The following EEF2K variants were observed in gnomAD, a reference collection of about 807,000 sequenced individuals.
EEF2K encodes the protein eukaryotic elongation factor 2 kinase.
A neutral mutation model predicts 93.8 loss-of-function variants in EEF2K; 70 were observed. The ratio of observed to expected loss-of-function variants is 0.75; its 90% CI spans 0.62 to 0.91. The LOEUF (loss-of-function observed/expected upper bound fraction) is 0.91, where lower values mean the gene tolerates loss of function less well. Ranked by LOEUF, EEF2K falls within the 40% of genes least tolerant of loss-of-function variation. EEF2K has a pLI of 0.00. For missense variants in EEF2K, 935 were observed against 972.9 expected (o/e 0.96, Z 0.52); for synonymous variants, 376 against 380.8 (o/e 0.99, Z 0.15).
At chr16:22,254,396 C>A (rs1187764658) in intron 6 of EEF2K, among the ~76,000 whole-genome samples, 1 of 152,150 alleles carries the variant, frequency 6.6e-6, no homozygotes, top group African/African-American at 2.4e-5. Context: ...GTTCTCACCT[C>A]TCAGATCAGG....
intron 1 of EEF2K, among the ~76,000 whole-genome samples, chr16:22,218,841 G>C (rs1449770489): frequency 1.3e-5 from 2 of 151,746 alleles, no homozygotes; most frequent in African/African-American, 4.8e-5. Flanking sequence ...ATAGGGACTG[G>C]AGGCCGGGCG....
At chr16:22,265,129 G>A (rs1450165930) in intron 13 of EEF2K, 1 of 443,364 alleles carries the variant, frequency 2.3e-6, no homozygotes, top group Non-Finnish European at 4.1e-6. Flanking sequence ...ATCACCACAG[G>A]GACAGCTCCT....
chr16:22,280,479 A>G, intron 17 of EEF2K, 103 bp downstream of exon 17: 1 of 1,242,906 alleles, frequency 8.0e-7, no homozygotes, highest in South Asian at 2.6e-5. Context: ...GACAGGCTGA[A>G]TCTTCTTCCA....
intron 2 of EEF2K, among the ~76,000 whole-genome samples, chr16:22,238,653 AAAAAAG>A (rs1461000800): frequency 2.7e-5 from 4 of 146,472 alleles, no homozygotes; most frequent in African/African-American, 1.1e-4. Flanking sequence ...TGGTCTCAAA[AAAAAAG>A]AAAAAAGGAA....
At chr16:22,208,391 C>A (rs2142096579) in intron 1 of EEF2K, among the ~76,000 whole-genome samples, 1 of 152,168 alleles carries the variant, frequency 6.6e-6, no homozygotes, top group South Asian at 2.1e-4. Context: ...GGCATGTTGG[C>A]ATGAGCCTGT....
intron 10 of EEF2K, 122 bp from the exon 11 acceptor site, chr16:22,260,340 C>A (rs1265491592): frequency 1.1e-6 from 1 of 927,024 alleles, no homozygotes. Flanking sequence ...TTGTGCCTTT[C>A]TTTAAAGCTT....
intron 4 of EEF2K, among the ~76,000 whole-genome samples, chr16:22,249,228 C>T (rs2047325191): frequency 6.6e-6 from 1 of 151,230 alleles, no homozygotes; most frequent in Admixed American, 6.6e-5. Flanking sequence ...GCCTTGGCCG[C>T]CCAGAGTGCT....
intron 16 of EEF2K, among the ~76,000 whole-genome samples, chr16:22,276,665 T>C (rs1288326009): frequency 6.6e-6 from 1 of 152,184 alleles, no homozygotes; most frequent in Non-Finnish European, 1.5e-5. Flanking sequence ...CGATTAGGCC[T>C]TTCCCATATG....
intron 1 of EEF2K, among the ~76,000 whole-genome samples, chr16:22,208,715 C>T (rs1364299508): frequency 2.0e-5 from 3 of 150,196 alleles, no homozygotes; most frequent in South Asian, 2.1e-4. Flanking sequence ...GCCTGGCTGA[C>T]GGGGTGAAAC....
chr16:22,252,558 T>C (rs1017102423), intron 6 of EEF2K, among the ~76,000 whole-genome samples: 1 of 152,168 alleles, frequency 6.6e-6, no homozygotes, highest in African/African-American at 2.4e-5. Flanking sequence ...ACCCTAGCCA[T>C]GTGCCTGCCC....
At chr16:22,273,529 C>CAA in intron 15 of EEF2K, 97 bp from the exon 16 acceptor site, 1 of 1,537,170 alleles carries the variant, frequency 6.5e-7, no homozygotes, top group Non-Finnish European at 8.8e-7. Flanking sequence ...CCGGAGCTCT[C>CAA]AAAAAACAGG....
rs1304131315 is a variant in EEF2K at position 22,263,167 on chromosome 16, G to A, written c.1357G>A (p.Asp453Asn). 6.2e-7 allele frequency: 1 copy of A among 1,612,624 alleles called. No homozygotes were observed. Among genetic ancestry groups the A allele is most frequent in the Non-Finnish European group, 8.5e-7 (1 of 1,179,278 alleles). Residue 453 changes from aspartate (D) to asparagine (N), a missense_variant, in exon 12 of 18, where the codon GAC (aspartate) becomes AAC (asparagine). Transcript: ENST00000263026. The part of the protein sequence containing the change: ...YPSEKRGELD[D>N]PEPREHGHSY... ...CAGTGAGAAGCGGGGTGAGCTGGATGACCCTGAGCCCCGAGAACATGTAAG... is the reference window on the plus strand; with the variant it reads ...CAGTGAGAAGCGGGGTGAGCTGGATAACCCTGAGCCCCGAGAACATGTAAG...
chr16:22,261,045 A>G (rs1417744216), intron 11 of EEF2K, among the ~76,000 whole-genome samples: 1 of 152,004 alleles, frequency 6.6e-6, no homozygotes, highest in Non-Finnish European at 1.5e-5. Flanking sequence ...AAATTATAAT[A>G]CTCTCTATGC....
At chr16:22,267,846 G>A (rs982099369) in intron 15 of EEF2K, among the ~76,000 whole-genome samples, 1 of 152,190 alleles carries the variant, frequency 6.6e-6, no homozygotes, top group East Asian at 1.9e-4. Context: ...TCCCTGGTCC[G>A]TGAGCAGAGG....
At chr16:22,216,320 G>C (rs1022885820) in intron 1 of EEF2K, among the ~76,000 whole-genome samples, 9 of 152,212 alleles carry the variant, frequency 5.9e-5, no homozygotes, top group African/African-American at 1.9e-4. Flanking sequence ...TCTGGACCTA[G>C]CAGCTCCTGT....
At chr16:22,273,548 T>G in intron 15 of EEF2K, 78 bp from the exon 16 acceptor site, 1 of 1,565,478 alleles carries the variant, frequency 6.4e-7, no homozygotes, top group Non-Finnish European at 8.7e-7. Flanking sequence ...GGGTGAAGAT[T>G]GAGTAGTGAG....
rs372618230 is a variant in EEF2K at position 22,241,719 on chromosome 16, T to C, written c.247-2911T>C. On this transcript the variant is annotated intron_variant, in intron 2 of 17. Coordinates refer to ENST00000263026, the MANE Select transcript of EEF2K (RefSeq NM_013302.5). ...CGGCATTGCTCCAGTGGATGGTATA[T>C]GGTGGATTTGACTTTTGTCTTCTGT... 7.9e-5 allele frequency among the ~76,000 whole-genome samples: 12 copies of C among 150,978 alleles called. No homozygotes were observed. In the South Asian group the frequency reaches 1.3e-3, roughly 16 times the overall value.
Position 22,225,570 on chromosome 16 carries a change from G to T in EEF2K, c.-76-84G>T. 4.4e-6 allele frequency: 5 copies of T among 1,132,062 alleles called. No homozygotes were observed. In the South Asian group the frequency reaches 8.0e-5, roughly 18 times the overall value. 70.1% of individuals were successfully genotyped at this position (1,132,062 alleles called of 1,614,324 possible). On this transcript the variant is annotated intron_variant, in intron 1 of 17. Transcript: ENST00000263026. ...CCCAAGGGTGCCAGCTCCTGCGATA[G>T]CCTGCAGCATTTGGGGTGAGGGTCG...
chr16:22,207,289 C>T (rs1251876045), intron 1 of EEF2K, among the ~76,000 whole-genome samples: 2 of 152,274 alleles, frequency 1.3e-5, no homozygotes, highest in Middle Eastern at 3.4e-3. Flanking sequence ...GGGAACCAGC[C>T]CAGCTGCGCC....
Sources: allele counts gnomAD v4.1 joint callset (sites outside exome capture counted in the v4.1 genomes callset), GRCh38; gene constraint gnomAD v4.1.1; transcripts MANE v1.5; gene names NCBI Gene and HGNC (gene_info 2026-07-23, HGNC 2026-07-21).